GSE1: variants seen among roughly 807,000 people sequenced by gnomAD.
GSE1 encodes genetic suppressor element 1.
GSE1 carries 32 observed loss-of-function variants against 112.6 expected under a neutral mutation model. The observed-to-expected ratio is 0.28, with a 90% CI of 0.21 to 0.38. The LOEUF (loss-of-function observed/expected upper bound fraction) is 0.38, where lower values mean the gene tolerates loss of function less well. GSE1 is among the 10% of genes least tolerant of loss of function. GSE1 has a pLI of 1.00. For missense variants in GSE1, 2,348 were observed against 1,699.2 expected (o/e 1.38, Z -6.71); for synonymous variants, 1,115 against 735.6 (o/e 1.52, Z -8.35).
chr16:85,261,080 C>G (rs1567646304), intron 1 of GSE1, among the ~76,000 whole-genome samples: 4 of 152,328 alleles, frequency 2.6e-5, no homozygotes, highest in Admixed American at 6.5e-5. Flanking sequence ...CCAGGCCTCA[C>G]CCAGTGCTCT....
At chr16:85,198,062 G>A (rs543362741) in intron 1 of GSE1, among the ~76,000 whole-genome samples, 1 of 152,212 alleles carries the variant, frequency 6.6e-6, no homozygotes, top group African/African-American at 2.4e-5. Context: ...GCAGAGGGTG[G>A]CCAGGACGTG....
chr16:85,263,923 C>T lies in GSE1; in HGVS notation c.2283+92116C>T, dbSNP rs563865033. The stretch of plus-strand genomic sequence containing the variant: ...TCCAGGTCTCCTCTGCCGTCCTGGC[C>T]TCACAGAGCTGCTGGTCGGCAGGGT... On this transcript the variant is annotated intron_variant, in intron 1 of 2. Transcript: ENST00000637419. Among the ~76,000 whole-genome samples the T allele has an allele frequency of 6.2e-4, 95 of 152,278 alleles. 2 individuals are homozygous for T. The highest frequency in any genetic ancestry group is 2.2e-3 in the African/African-American group (93 of 41,556).
At chr16:85,424,915 G>T (rs1489329881) in intron 2 of GSE1, among the ~76,000 whole-genome samples, 1 of 152,270 alleles carries the variant, frequency 6.6e-6, no homozygotes, top group East Asian at 1.9e-4. Context: ...CATATTTGCA[G>T]AATATTTATT....
chr16:85,496,050 C>T (rs1197018661), intron 2 of GSE1, among the ~76,000 whole-genome samples: 1 of 152,206 alleles, frequency 6.6e-6, no homozygotes, highest in Non-Finnish European at 1.5e-5. Flanking sequence ...TTCTGCAAGC[C>T]AGAGCTGGAT....
At chr16:85,242,463 G>A (rs913056547) in intron 1 of GSE1, among the ~76,000 whole-genome samples, 3 of 152,254 alleles carry the variant, frequency 2.0e-5, no homozygotes, top group Admixed American at 1.3e-4. Context: ...TCGGTGCCCC[G>A]CAGGGCAGGG....
chr16:85,382,907 T>C (rs1256518898), intron 2 of GSE1, among the ~76,000 whole-genome samples: 2 of 149,698 alleles, frequency 1.3e-5, no homozygotes, highest in Non-Finnish European at 3.0e-5. Flanking sequence ...CATACACTTG[T>C]GCACACATAC....
At chr16:85,359,766 G>C (rs889659858) in intron 2 of GSE1, among the ~76,000 whole-genome samples, 1 of 152,060 alleles carries the variant, frequency 6.6e-6, no homozygotes, top group Non-Finnish European at 1.5e-5. Context: ...TCTGGCTCCC[G>C]CGCCGAACTC....
intron 2 of GSE1, among the ~76,000 whole-genome samples, chr16:85,536,366 G>T (rs1194853171): frequency 2.0e-5 from 3 of 152,218 alleles, no homozygotes; most frequent in African/African-American, 7.2e-5. Context: ...AAGAAATAGA[G>T]CCCCATCCAG....
rs529997211 is a variant in GSE1, at chr16:85,382,986, CAT to C, written c.2464+25344_2464+25345del. On this transcript the variant is annotated intron_variant, in intron 2 of 2. Transcript: ENST00000637419. ...ACACACATGCACGCTCACACGCACA[CAT>C]GTGCACATACAACACATGCACACAC... 2.7e-3 allele frequency among the ~76,000 whole-genome samples: 320 copies of C among 118,374 alleles called. 4 individuals carry two copies. The highest frequency in any genetic ancestry group is 0.014 in the African/African-American group (294 of 21,340). The allele number at this position is 118,374 out of a possible 152,430, so 77.7% of individuals were successfully genotyped here.
At chr16:85,644,363 G>C (rs1216593736) in intron 2 of GSE1, among the ~76,000 whole-genome samples, 4 of 145,826 alleles carry the variant, frequency 2.7e-5, no homozygotes, top group Non-Finnish European at 6.0e-5. Context: ...AAAAAAAAGA[G>C]TGTTGGGCAC....
intron 1 of GSE1, among the ~76,000 whole-genome samples, chr16:85,277,798 C>G (rs1325895735): frequency 6.6e-6 from 1 of 152,250 alleles, no homozygotes; most frequent in Non-Finnish European, 1.5e-5. Context: ...TCTGGGCCAG[C>G]CCTCAGCCTC....
At chr16:85,458,956 C>T (rs1033247564) in intron 2 of GSE1, among the ~76,000 whole-genome samples, 13 of 152,128 alleles carry the variant, frequency 8.5e-5, no homozygotes, top group Admixed American at 2.0e-4. Context: ...GCCACCTGCC[C>T]GCAGGTCTGG....
chr16:85,658,465 G>A (rs1012375504), intron 8 of GSE1, among the ~76,000 whole-genome samples: 2 of 152,230 alleles, frequency 1.3e-5, no homozygotes, highest in Admixed American at 6.5e-5. Context: ...CTGTGATGCT[G>A]TCCTGGGATA....
chr16:85,385,653 G>C (rs1317844475), intron 2 of GSE1, among the ~76,000 whole-genome samples: 1 of 152,192 alleles, frequency 6.6e-6, no homozygotes, highest in Non-Finnish European at 1.5e-5. Flanking sequence ...CATGAGACCC[G>C]GGGAGTCTGA....
chr16:85,369,557 C>A (rs147346306), intron 2 of GSE1, among the ~76,000 whole-genome samples: 2 of 152,258 alleles, frequency 1.3e-5, no homozygotes, highest in Admixed American at 1.3e-4. Flanking sequence ...CCCACTCCTG[C>A]CTCCCTTGCA....
intron 1 of GSE1, among the ~76,000 whole-genome samples, chr16:85,601,977 A>G (rs889779714): frequency 6.6e-6 from 1 of 152,252 alleles, no homozygotes; most frequent in African/African-American, 2.4e-5. Flanking sequence ...GACATTTGTC[A>G]GGAGCACTGG....
At chr16:85,587,546 G>A (rs1000790365) in intron 1 of GSE1, among the ~76,000 whole-genome samples, 1 of 151,958 alleles carries the variant, frequency 6.6e-6, no homozygotes, top group Admixed American at 6.5e-5. Flanking sequence ...TCACACCTTC[G>A]GCCTAGGTAC....
intron 2 of GSE1, among the ~76,000 whole-genome samples, chr16:85,635,452 A>C (rs2049913903): frequency 6.6e-6 from 1 of 152,186 alleles, no homozygotes; most frequent in South Asian, 2.1e-4. Context: ...GGACAGCTGC[A>C]GGCAAGATGG....
chr16:85,237,817 G>A (rs942792870), intron 1 of GSE1, among the ~76,000 whole-genome samples: 5 of 149,446 alleles, frequency 3.3e-5, no homozygotes, highest in African/African-American at 4.9e-5. Flanking sequence ...CAGTCTGGGC[G>A]ACAGAGCAAG....
Sources: allele counts gnomAD v4.1 joint callset (sites outside exome capture counted in the v4.1 genomes callset), GRCh38; gene constraint gnomAD v4.1.1; transcripts MANE v1.5; gene names NCBI Gene and HGNC (gene_info 2026-07-23, HGNC 2026-07-21).